SCN11A: variants seen among roughly 807,000 people sequenced by gnomAD.
SCN11A encodes sodium voltage-gated channel alpha subunit 11.
SCN11A carries 122 observed loss-of-function variants against 162.2 expected under a neutral mutation model. The observed-to-expected ratio is 0.75, with a 90% CI of 0.65 to 0.87. The LOEUF (loss-of-function observed/expected upper bound fraction) is 0.87. Ranked by LOEUF, SCN11A falls within the 40% of genes least tolerant of loss-of-function variation. The pLI, the probability that SCN11A is intolerant of heterozygous loss-of-function variation, is 0.00. For missense variants in SCN11A, 2,015 were observed against 2,181.6 expected (o/e 0.92, Z 1.52); for synonymous variants, 758 against 751.5 (o/e 1.01, Z -0.14).
At chr3:38,983,402 T>C (rs1408929025) in intron 2 of SCN11A, among the ~76,000 whole-genome samples, 2 of 152,182 alleles carry the variant, frequency 1.3e-5, no homozygotes, top group Admixed American at 6.5e-5. Flanking sequence ...CTGTGCCCTA[T>C]AAAATAGAGT....
At chr3:38,897,868 A>T (rs951735022) in intron 17 of SCN11A, among the ~76,000 whole-genome samples, 1 of 152,238 alleles carries the variant, frequency 6.6e-6, no homozygotes, top group Non-Finnish European at 1.5e-5. Context: ...CTCTGGCCTG[A>T]GAGCCAAATA....
At chr3:38,877,846 A>C (rs1199349989) in intron 23 of SCN11A, among the ~76,000 whole-genome samples, 1 of 150,764 alleles carries the variant, frequency 6.6e-6, no homozygotes, top group Non-Finnish European at 1.5e-5. Context: ...CTCAGCCATA[A>C]AAAGGACCAA....
At chr3:39,039,715 C>A (rs1247302548) in intron 1 of SCN11A, among the ~76,000 whole-genome samples, 3 of 152,164 alleles carry the variant, frequency 2.0e-5, no homozygotes, top group Non-Finnish European at 4.4e-5. Context: ...CTGCCAGCAA[C>A]CCTATCCCCT....
In SCN11A at chr3:38,872,218, G is replaced by A. The variant is rs1359085925; in HGVS notation, c.3470C>T (p.Ala1157Val). ...CTTCATTCCTTCAAACTGGGACAGC[G>A]CACGAAGAGGCCTCAGTGCTCGTAG... ...RTLRALRPLR[A>V]LSQFEGMKVV... Residue 1157 changes from alanine (A) to valine (V), a missense_variant, in exon 24 of 30, where the codon GCG becomes GTG. Physicochemically the swap from Ala to Val is moderately conservative, Grantham distance 64 (BLOSUM62 0). Coordinates refer to ENST00000302328, the MANE Select transcript of SCN11A (RefSeq NM_001349253.2). The A allele has an allele frequency of 8.7e-6, 14 of 1,605,052 alleles. No homozygotes were observed. Among genetic ancestry groups the A allele is most frequent in the Non-Finnish European group, 1.2e-5 (14 of 1,171,996 alleles).
intron 28 of SCN11A, among the ~76,000 whole-genome samples, chr3:38,854,257 T>C (rs2064830774): frequency 6.6e-6 from 1 of 152,214 alleles, no homozygotes; most frequent in African/African-American, 2.4e-5. Context: ...TTGAGTACTA[T>C]GACAGAGACA....
intron 2 of SCN11A, among the ~76,000 whole-genome samples, chr3:39,026,908 T>G (rs1391112131): frequency 6.6e-6 from 1 of 152,138 alleles, no homozygotes; most frequent in Non-Finnish European, 1.5e-5. Context: ...ACAGAGCCCA[T>G]GGTCTGGGTC....
chr3:38,907,949 C>CT lies in SCN11A; in HGVS notation c.1472dup (p.Pro492AlafsTer20). ...CATTAATTCCCTGGAAAAGACTTAC[C>CT]TTTTTTTGGCAATCTTCATCAGAAT... is the stretch of plus-strand genomic sequence containing the variant. On this transcript the variant is annotated frameshift_variant and splice_region_variant, in exon 14 of 30. Transcript: ENST00000302328. LOFTEE classifies it high-confidence loss of function. The CT allele has an allele frequency of 6.3e-7, 1 of 1,597,738 alleles. No homozygotes were observed. Among genetic ancestry groups the CT allele is most frequent in the Non-Finnish European group, 8.5e-7 (1 of 1,175,704 alleles).
Position 38,905,189 on chromosome 3 carries a change from T to C in SCN11A, c.1603+3A>G. ...TTCCCTTGGATTGGGATGTGGAACTTACCCTTCATGGTGATGGTGAGGATG... is the reference window on the plus strand; with the variant it reads ...TTCCCTTGGATTGGGATGTGGAACTCACCCTTCATGGTGATGGTGAGGATG... On this transcript the variant is annotated splice_donor_region_variant and intron_variant, in intron 15 of 29. Coordinates refer to ENST00000302328, the MANE Select transcript of SCN11A (RefSeq NM_001349253.2). 1 of 1,613,986 alleles carries C rather than the reference T, an allele frequency of 6.2e-7. No homozygotes were observed. Among genetic ancestry groups the C allele is most frequent in the Non-Finnish European group, 8.5e-7 (1 of 1,179,904 alleles).
At chr3:38,908,229 T>C in intron 13 of SCN11A, 107 bp from the exon 14 acceptor site, 1 of 942,194 alleles carries the variant, frequency 1.1e-6, no homozygotes, top group Non-Finnish European at 1.6e-6. Flanking sequence ...GGTAGCTCTG[T>C]ATCATTTAAA....
chr3:38,876,045 GA>G (rs1442275661), intron 23 of SCN11A, among the ~76,000 whole-genome samples: 1 of 152,060 alleles, frequency 6.6e-6, no homozygotes, highest in African/African-American at 2.4e-5. Context: ...AAAGAACCCA[GA>G]AATAAAGCCA....
At chr3:39,002,348 C>A (rs939548862) in intron 2 of SCN11A, among the ~76,000 whole-genome samples, 1 of 152,160 alleles carries the variant, frequency 6.6e-6, no homozygotes, top group Non-Finnish European at 1.5e-5. Context: ...CTTACATGAG[C>A]TTTGTGCAAA....
chr3:39,025,434 T>A (rs1294801747), intron 2 of SCN11A, among the ~76,000 whole-genome samples: 6 of 152,178 alleles, frequency 3.9e-5, no homozygotes, highest in Non-Finnish European at 8.8e-5. Context: ...CGCAGCTGGT[T>A]ATAGTTATTG....
At position 38,914,967 on chromosome 3, in the gene SCN11A, T is replaced by C. The variant is rs112653534; in HGVS notation, c.960-4760A>G. On this transcript the variant is annotated intron_variant, in intron 11 of 29. Transcript: ENST00000302328. ...TTTTTGTGCCTCTGCCAGGTTTTGG[T>C]ATCAGGACGATGGTGGTCTCATTGA... is the stretch of plus-strand genomic sequence containing the variant. Among the ~76,000 whole-genome samples the C allele has an allele frequency of 3.3e-3, 510 of 152,274 alleles. 4 individuals carry two copies. Among genetic ancestry groups the C allele is most frequent in the Middle Eastern group, 0.01 (3 of 294 alleles).
Position 39,016,484 on chromosome 3 carries a change from A to C in SCN11A, c.-280+15896T>G, listed in dbSNP as rs111908070. Among the ~76,000 whole-genome samples the C allele has an allele frequency of 7.2e-4, 109 of 152,252 alleles. 2 individuals are homozygous for C. The highest frequency in any genetic ancestry group is 2.6e-3 in the African/African-American group (108 of 41,546). On this transcript the variant is annotated intron_variant, in intron 2 of 29. Coordinates refer to ENST00000302328, the MANE Select transcript of SCN11A (RefSeq NM_001349253.2). ...CCTGGCATCATTTTCCTATGGCCTG[A>C]AAGACATCCTTTAATAGTTCTTATA... is the stretch of plus-strand genomic sequence containing the variant.
In SCN11A at chr3:38,886,220, C is replaced by G. The variant is rs374632143; in HGVS notation, c.2854G>C (p.Glu952Gln). Residue 952 changes from glutamate to glutamine, a missense_variant, in exon 20 of 30, where the codon GAG (glutamate) becomes CAG (glutamine). Coordinates refer to ENST00000302328, the MANE Select transcript of SCN11A (RefSeq NM_001349253.2). ...CTCTGGCTCGTGGGCTTCTTGTTCT[C>G]CTGATGGAGCTCATAGGCCTAACAC... ...PEQQAYELHQ[E>Q]NKKPTSQRVQ... is the part of the protein sequence containing the mutation. The G allele has an allele frequency of 6.2e-7, 1 of 1,612,048 alleles. No homozygotes were observed. The highest frequency in any genetic ancestry group is 8.5e-7 in the Non-Finnish European group (1 of 1,179,342).
intron 4 of SCN11A, among the ~76,000 whole-genome samples, chr3:38,951,459 C>A (rs953633022): frequency 6.6e-6 from 1 of 152,222 alleles, no homozygotes; most frequent in Non-Finnish European, 1.5e-5. Flanking sequence ...CCTGTGCGGC[C>A]GGAGCCTCCC....
At chr3:38,967,173 C>A (rs577684602) in intron 2 of SCN11A, among the ~76,000 whole-genome samples, 3 of 152,320 alleles carry the variant, frequency 2.0e-5, no homozygotes, top group African/African-American at 4.8e-5. Flanking sequence ...TGGTAACCAG[C>A]CTCCAAGGCA....
intron 28 of SCN11A, among the ~76,000 whole-genome samples, chr3:38,854,292 T>G (rs1019640938): frequency 3.3e-5 from 5 of 152,132 alleles, no homozygotes; most frequent in African/African-American, 9.7e-5. Flanking sequence ...ACTGAAATAT[T>G]TACTATCTGG....
At position 38,926,794 on chromosome 3, in the gene SCN11A, T is replaced by A; in HGVS notation, c.617+9A>T. 1 of 1,611,578 alleles carries A rather than the reference T, an allele frequency of 6.2e-7. No homozygotes were observed. Among genetic ancestry groups the A allele is most frequent in the Non-Finnish European group, 8.5e-7 (1 of 1,179,202 alleles). ...CAAGTCTCTTCAAAAACATCTTTAA[T>A]ATTCTTACGCTATTCCAATGACAAT... On this transcript the variant is annotated intron_variant, in intron 8 of 29. Coordinates refer to ENST00000302328, the MANE Select transcript of SCN11A (RefSeq NM_001349253.2).
Sources: allele counts gnomAD v4.1 joint callset (sites outside exome capture counted in the v4.1 genomes callset), GRCh38; gene constraint gnomAD v4.1.1; transcripts MANE v1.5; gene names NCBI Gene and HGNC (gene_info 2026-07-23, HGNC 2026-07-21).